The following TRAPPC13 variants were observed in gnomAD, a reference collection of about 807,000 sequenced individuals.
TRAPPC13 encodes the protein trafficking protein particle complex subunit 13.
Under a neutral mutation model 54.0 loss-of-function variants are expected in TRAPPC13, and 39 were observed. That is an observed-to-expected ratio of 0.72 (90% CI 0.56 to 0.94). The LOEUF is 0.94. Among genes scored for constraint, TRAPPC13 ranks in the 40% least tolerant of loss-of-function variants. The pLI is 0.00. For missense variants in TRAPPC13, 386 were observed against 488.1 expected, an observed-to-expected ratio of 0.79 and a Z score of 1.97; for synonymous variants, 148 against 167.7, an observed-to-expected ratio of 0.88 and a Z score of 0.91.
At chr5:65,661,821 A>G (rs1301240035) in intron 10 of TRAPPC13, 2 of 394,254 alleles carry the variant, frequency 5.1e-6, no homozygotes, top group Non-Finnish European at 9.0e-6. Context: ...TCTACTGAAC[A>G]TGGAATAATT....
chr5:65,661,472 G>T (rs72764480), intron 10 of TRAPPC13: 8,445 of 152,272 alleles, frequency 0.055, 336 homozygotes, highest in Non-Finnish European at 0.088. Context: ...TACCTGTTTT[G>T]ACATATTCCA....
chr5:65,635,885 A>G (rs1391448383), intron 2 of TRAPPC13, 59 bp from the exon 3 acceptor site: 4 of 1,049,562 alleles, frequency 3.8e-6, no homozygotes, highest in South Asian at 3.3e-5. Flanking sequence ...ATTTCTTTAT[A>G]TAAGTAAAAG....
chr5:65,664,567 G>T lies in TRAPPC13; in HGVS notation c.1210G>T (p.Ala404Ser), dbSNP rs201524074. The change falls in exon 13 of 13, where the codon GCA becomes TCA. Residue 404 changes from alanine (A) to serine (S), a missense_variant. Transcript: ENST00000399438. ...LKRTYEYDDI[A>S]QVCVVSSAIK... ...GAGAACATATGAATATGATGACATC[G>T]CACAAGTCTGTGTGGTATCTTCTGC... The T allele has an allele frequency of 3.7e-6, 6 of 1,612,328 alleles. No homozygotes were observed. Among genetic ancestry groups the T allele is most frequent in the South Asian group, 1.1e-5 (1 of 90,656 alleles).
Position 65,625,087 on chromosome 5 carries a change from G to A in TRAPPC13, c.27G>A (p.Glu9=), listed in dbSNP as rs760255903. 1.2e-6 allele frequency: 2 copies of A among 1,613,790 alleles called. No homozygotes were observed. The highest frequency in any genetic ancestry group is 2.2e-5 in the East Asian group (1 of 44,880). Residue 9 remains glutamate, a synonymous_variant, in exon 1 of 13, where the codon GAG becomes GAA. Coordinates refer to ENST00000399438, the MANE Select transcript of TRAPPC13 (RefSeq NM_024941.4). MEVNPPKQ[E]HLLALKVMRL... is the part of the protein sequence containing the mutation. Reference sequence around the variant, plus strand: ...TGGAAGTGAATCCCCCTAAACAGGAGCACCTGCTGGCGCTAAAAGGTAAAC... The same window carrying A: ...TGGAAGTGAATCCCCCTAAACAGGAACACCTGCTGGCGCTAAAAGGTAAAC...
At position 65,658,272 on chromosome 5, in the gene TRAPPC13, G is replaced by T; in HGVS notation, c.565-96G>T. The T allele has an allele frequency of 3.3e-6, 4 of 1,201,156 alleles. No homozygotes were observed. The South Asian group carries it at 6.2e-5, about 19-fold the overall frequency. The allele number at this position is 1,201,156 out of a possible 1,614,324, so 74.4% of individuals were successfully genotyped here. A position where few individuals can be genotyped will look rare whatever the true frequency, so the allele number is the denominator to read the frequency against. ...CAGGCATGAACTAATCACATTTGTGGTTAATATTTTTTCTTCATATAGATA... is the reference window on the plus strand; with the variant it reads ...CAGGCATGAACTAATCACATTTGTGTTTAATATTTTTTCTTCATATAGATA... On this transcript the variant is annotated intron_variant, in intron 8 of 12. Transcript: ENST00000399438.
chr5:65,633,155 A>T (rs1294762557), intron 1 of TRAPPC13, among the ~76,000 whole-genome samples: 3 of 152,234 alleles, frequency 2.0e-5, no homozygotes, highest in Non-Finnish European at 4.4e-5. Context: ...ACTAAATTTG[A>T]TATGAATGCC....
intron 11 of TRAPPC13, 25 bp downstream of exon 11, chr5:65,662,175 T>G (rs772361339): frequency 6.7e-7 from 1 of 1,494,578 alleles, no homozygotes; most frequent in Admixed American, 1.9e-5. Flanking sequence ...TGTAGATGGA[T>G]GTCCTTTCTA....
intron 4 of TRAPPC13, among the ~76,000 whole-genome samples, chr5:65,646,134 TGTTACAAA>T (rs1756198772): frequency 6.6e-6 from 1 of 151,642 alleles, no homozygotes; most frequent in African/African-American, 2.4e-5. Context: ...TTGTGATAAA[TGTTACAAA>T]GGAAGCAAAA....
chr5:65,649,695 T>TA (rs1240520868), intron 5 of TRAPPC13, among the ~76,000 whole-genome samples: 2 of 152,274 alleles, frequency 1.3e-5, no homozygotes, highest in East Asian at 3.9e-4. Context: ...TGGGAACCCT[T>TA]TGTCATATTA....
At chr5:65,626,078 C>G (rs1203104511) in intron 1 of TRAPPC13, 1 of 118,550 alleles carries the variant, frequency 8.4e-6, no homozygotes, top group Non-Finnish European at 1.9e-5. Context: ...GTGATGGGAC[C>G]TGTAAGCTTA....
intron 1 of TRAPPC13, chr5:65,629,450 G>A: frequency 7.1e-7 from 1 of 1,406,702 alleles, no homozygotes; most frequent in Admixed American, 2.9e-5. Context: ...CTTATTCTTT[G>A]CAATACTTCT....
At chr5:65,644,948 G>A (rs1296831026) in intron 4 of TRAPPC13, among the ~76,000 whole-genome samples, 2 of 151,130 alleles carry the variant, frequency 1.3e-5, no homozygotes, top group African/African-American at 2.4e-5. Context: ...TGTAATCTCA[G>A]CACTTTGGGA....
intron 1 of TRAPPC13, chr5:65,629,788 T>A (rs1293052277): frequency 1.3e-6 from 2 of 1,535,986 alleles, no homozygotes; most frequent in African/African-American, 2.7e-5. Context: ...CAGCTGAAGA[T>A]GTGAAACAGT....
At chr5:65,626,538 C>A (rs763282732) in intron 1 of TRAPPC13, among the ~76,000 whole-genome samples, 6 of 152,128 alleles carry the variant, frequency 3.9e-5, no homozygotes, top group Non-Finnish European at 5.9e-5. Flanking sequence ...GAGATCAAGA[C>A]CATCCTGGCT....
intron 3 of TRAPPC13, among the ~76,000 whole-genome samples, chr5:65,637,195 C>T (rs1034894121): frequency 1.3e-5 from 2 of 152,158 alleles, no homozygotes; most frequent in Non-Finnish European, 2.9e-5. Context: ...CTATAGATTA[C>T]GTCTGTATTT....
At chr5:65,662,341 A>C (rs1233259173) in intron 11 of TRAPPC13, 191 bp downstream of exon 11, 7 of 433,552 alleles carry the variant, frequency 1.6e-5, no homozygotes, top group African/African-American at 1.2e-4. Context: ...GGCCTATTGT[A>C]TTATGCATCT....
At chr5:65,648,963 C>T (rs1044640828) in intron 5 of TRAPPC13, among the ~76,000 whole-genome samples, 1 of 151,944 alleles carries the variant, frequency 6.6e-6, no homozygotes, top group African/African-American at 2.4e-5. Flanking sequence ...GCCTGTAATC[C>T]CTAATAATTT....
At chr5:65,636,131 A>C (rs1049189264) in intron 3 of TRAPPC13, 88 bp downstream of exon 3, 2 of 825,208 alleles carry the variant, frequency 2.4e-6, no homozygotes, top group Non-Finnish European at 3.8e-6. Context: ...GGAAATGCTC[A>C]TGATACATTT....
At chr5:65,648,861 T>A (rs1294149386) in intron 5 of TRAPPC13, among the ~76,000 whole-genome samples, 2 of 152,120 alleles carry the variant, frequency 1.3e-5, no homozygotes, top group Non-Finnish European at 2.9e-5. Flanking sequence ...TTGCTCATAG[T>A]TTTATTTTTT....
Sources: allele counts gnomAD v4.1 joint callset (sites outside exome capture counted in the v4.1 genomes callset), GRCh38; gene constraint gnomAD v4.1.1; transcripts MANE v1.5; gene names NCBI Gene and HGNC (gene_info 2026-07-23, HGNC 2026-07-21).